NOTCH3: variants seen among roughly 807,000 people sequenced by gnomAD.
NOTCH3 encodes notch receptor 3, also known as neurogenic locus notch homolog protein 3.
In NOTCH3, 86 loss-of-function variants were observed where a neutral mutation model predicts 213.3. That is an observed-to-expected ratio of 0.40 (90% CI 0.34 to 0.48). The LOEUF (loss-of-function observed/expected upper bound fraction) is 0.48, where lower values mean the gene tolerates loss of function less well. Among genes scored for constraint, NOTCH3 ranks in the 20% least tolerant of loss-of-function variants. The pLI, the probability that NOTCH3 is intolerant of heterozygous loss-of-function variation, is 0.57. For missense variants in NOTCH3, 2,783 were observed against 3,272.6 expected, an observed-to-expected ratio of 0.85 and a Z score of 3.65; for synonymous variants, 1,354 against 1,355.9, an observed-to-expected ratio of 1.00 and a Z score of 0.03.
chr19:15,178,287 C>A (rs546974362), intron 23 of NOTCH3, 197 bp from the exon 24 acceptor site: 30 of 538,296 alleles, frequency 5.6e-5, no homozygotes, highest in African/African-American at 5.2e-4. Context: ...ACACTGGAGA[C>A]CCCACCTGGC....
intron 31 of NOTCH3, among the ~76,000 whole-genome samples, chr19:15,164,249 T>TA (rs1599363093): frequency 2.1e-5 from 3 of 142,152 alleles, no homozygotes; most frequent in Admixed American, 6.9e-5. Context: ...TTTTTGTTTT[T>TA]AAAAAAAAGG....
rs890365920 is a variant in NOTCH3, at chr19:15,161,199, T to C, written c.6429A>G (p.Pro2143=). The part of the protein sequence containing the change: ...TAVSLAQLGG[P]GRAGLGRQPP... ...GCTGGCGCCCTAGACCCGCCCGGCC[T>C]GGGCCACCAAGCTGTGCCAGAGACA... Residue 2143 remains proline, a synonymous_variant, in exon 33 of 33, where the codon CCA becomes CCG. Coordinates refer to ENST00000263388, the MANE Select transcript of NOTCH3 (RefSeq NM_000435.3). The C allele has an allele frequency of 2.3e-5, 35 of 1,542,222 alleles. No homozygotes were observed. The highest frequency in any genetic ancestry group is 1.6e-4 in the Admixed American group (8 of 51,076).
In NOTCH3 at chr19:15,180,546, C is replaced by T. The variant is rs2046830653; in HGVS notation, c.3142+135G>A. 3.7e-6 allele frequency: 4 copies of T among 1,081,776 alleles called. No individual in the cohort carries two copies. In the East Asian group the frequency reaches 1.0e-4, roughly 28 times the overall value. The allele number at this position is 1,081,776 out of a possible 1,614,324, so 67.0% of individuals were successfully genotyped here. On this transcript the variant is annotated intron_variant, in intron 19 of 32. Coordinates refer to ENST00000263388, the MANE Select transcript of NOTCH3 (RefSeq NM_000435.3). The stretch of plus-strand genomic sequence containing the variant: ...CGGCCAGTTGTCACATGCTCACACA[C>T]CCACACCACTCAGCCACACACCCCA...
chr19:15,186,839 C>T, intron 12 of NOTCH3, 39 bp downstream of exon 12: 4 of 1,523,838 alleles, frequency 2.6e-6, no homozygotes, highest in Non-Finnish European at 3.6e-6. Context: ...ACTTCACCCT[C>T]GATCTAAGGA....
rs1162467192 is a variant in NOTCH3 at position 15,173,104 on chromosome 19, CTT to C, written c.4736+962_4736+963del. 2.6e-4 allele frequency among the ~76,000 whole-genome samples: 5 copies of C among 19,252 alleles called. No individual in the cohort carries two copies. In the African/African-American group the frequency reaches 2.7e-3, roughly 10 times the overall value. The allele number at this position is 19,252 out of a possible 152,430, so 12.6% of individuals were successfully genotyped here. A position where few individuals can be genotyped will look rare whatever the true frequency, so the allele number is the denominator to read the frequency against. On this transcript the variant is annotated intron_variant, in intron 25 of 32. Coordinates refer to ENST00000263388, the MANE Select transcript of NOTCH3 (RefSeq NM_000435.3). Reference sequence around the variant, plus strand: ...TCTTCTTCTTCTTCTTCTTCTTCTTCTTTTTTTTTTTTTTTTTTTTTTTTAAG... The same window carrying C: ...TCTTCTTCTTCTTCTTCTTCTTCTTCTTTTTTTTTTTTTTTTTTTTTTAAG...
At chr19:15,194,801 C>T (rs888470553) in intron 2 of NOTCH3, among the ~76,000 whole-genome samples, 1 of 151,796 alleles carries the variant, frequency 6.6e-6, no homozygotes, top group Non-Finnish European at 1.5e-5. Context: ...ACTAAAAACA[C>T]AAAAAATCAG....
intron 25 of NOTCH3, among the ~76,000 whole-genome samples, chr19:15,172,130 A>G (rs2046739939): frequency 6.6e-6 from 1 of 152,112 alleles, no homozygotes; most frequent in African/African-American, 2.4e-5. Flanking sequence ...TCCCGACCTC[A>G]GGTGATCCAC....
rs759342168 is a variant in NOTCH3, at chr19:15,161,718, G to T, written c.5914-4C>A. On this transcript the variant is annotated splice_region_variant and splice_polypyrimidine_tract_variant and intron_variant, in intron 32 of 32. Transcript: ENST00000263388. Reference sequence around the variant, plus strand: ...CCAGGAATAGGGGGGTCTCCTCCTGGGGGGCCAGAACCCACAGAGGTCAGC... The same window carrying T: ...CCAGGAATAGGGGGGTCTCCTCCTGTGGGGCCAGAACCCACAGAGGTCAGC... 24 of 1,612,852 alleles carry T rather than the reference G, an allele frequency of 1.5e-5. No homozygotes were observed. In the South Asian group the frequency reaches 2.3e-4, roughly 16 times the overall value.
intron 24 of NOTCH3, among the ~76,000 whole-genome samples, chr19:15,174,739 A>G (rs1214236086): frequency 6.7e-6 from 1 of 149,880 alleles, no homozygotes; most frequent in Non-Finnish European, 1.5e-5. Context: ...ACGCCCGTCT[A>G]ATTTTTGTAT....
rs771519821 is a variant in NOTCH3 at position 15,185,384 on chromosome 19, G to C, written c.2169C>G (p.Gly723=). ...PGGFRCVCEP[G]WSGPRCSQSL... ...TCTGGCTGCAGCGGGGGCCACTCCA[G>C]CCAGGCTCACACACACAGCGGAACC... is the stretch of plus-strand genomic sequence containing the variant. Residue 723 remains glycine, a synonymous_variant, in exon 14 of 33, where the codon GGC becomes GGG. Transcript: ENST00000263388. This position sits in a 1 kb window ranked among gnomAD's most constrained non-coding sequence, Gnocchi z 4.2. 3.3e-5 allele frequency: 54 copies of C among 1,612,244 alleles called. No homozygotes were observed. Among genetic ancestry groups the C allele is most frequent in the Non-Finnish European group, 4.3e-5 (51 of 1,179,678 alleles).
chr19:15,188,941 TC>T, intron 8 of NOTCH3, 47 bp downstream of exon 8: 2 of 1,566,926 alleles, frequency 1.3e-6, no homozygotes, highest in Non-Finnish European at 8.7e-7. Flanking sequence ...GGCTTCTCTG[TC>T]CCCGCCCCCT....
At position 15,159,730 on chromosome 19, in the gene NOTCH3, C is replaced by T. The variant is rs561317374; in HGVS notation, c.*932G>A. The T allele has an allele frequency of 1.3e-5, 3 of 233,066 alleles. 1 individual carries two copies. The South Asian group carries it at 5.4e-4, about 42-fold the overall frequency. 14.4% of individuals were successfully genotyped at this position (233,066 alleles called of 1,614,324 possible). On this transcript the variant is annotated 3_prime_UTR_variant, in exon 33 of 33. Transcript: ENST00000263388. ...GCTACACAGGGATTTTGACCAGAAG[C>T]CATATTACAAAAATAGCCTAAAAAT...
rs1222289076 is a variant in NOTCH3, at chr19:15,183,044, A to G, written c.2567-1243T>C. On this transcript the variant is annotated intron_variant, in intron 16 of 32. Transcript: ENST00000263388. ...GGCAGGAGGATGGCTTGAGGCCAGG[A>G]GTTTGAGACCAGCCTAGACAACGCA... is the stretch of plus-strand genomic sequence containing the variant. 2.6e-5 allele frequency among the ~76,000 whole-genome samples: 4 copies of G among 152,090 alleles called. No individual in the cohort carries two copies. In the East Asian group the frequency reaches 7.8e-4, roughly 30 times the overall value.
chr19:15,180,553 C>T, intron 19 of NOTCH3, 128 bp downstream of exon 19: 1 of 1,133,380 alleles, frequency 8.8e-7, no homozygotes, highest in African/African-American at 1.5e-5. Context: ...ACACCCACAC[C>T]ACTCAGCCAC....
In NOTCH3 at chr19:15,165,772, G is replaced by A; in HGVS notation, c.5667+15C>T. ...CTGCCCCAGCTCTGAGGTCCAAAGTGTGTGCCTATCTCACCTGGAAGACAC... is the reference window on the plus strand; with the variant it reads ...CTGCCCCAGCTCTGAGGTCCAAAGTATGTGCCTATCTCACCTGGAAGACAC... On this transcript the variant is annotated intron_variant, in intron 30 of 32. Coordinates refer to ENST00000263388, the MANE Select transcript of NOTCH3 (RefSeq NM_000435.3). The surrounding 1 kb of genome is among the most constrained non-coding windows in gnomAD (Gnocchi z 4.7). 6.2e-7 allele frequency: 1 copy of A among 1,609,288 alleles called. No homozygotes were observed. The highest frequency in any genetic ancestry group is 1.1e-5 in the South Asian group (1 of 91,050).
chr19:15,178,974 A>G (rs745309519), intron 22 of NOTCH3, 33 bp from the exon 23 acceptor site: 18 of 1,613,994 alleles, frequency 1.1e-5, no homozygotes, highest in Middle Eastern at 1.6e-4. Context: ...ATCAGCCACA[A>G]TGGGGGAATG....
chr19:15,192,654 C>T, intron 2 of NOTCH3, 135 bp from the exon 3 acceptor site: 4 of 1,290,250 alleles, frequency 3.1e-6, no homozygotes, highest in East Asian at 2.5e-5. Context: ...GTGGCTCACG[C>T]CTGTAATCCC....
At position 15,181,565 on chromosome 19, in the gene NOTCH3, G is replaced by A; in HGVS notation, c.2792+11C>T. On this transcript the variant is annotated intron_variant, in intron 17 of 32. Transcript: ENST00000263388. ...CAGAGTCCCTGCTCTCCAAGCAGAG[G>A]CCCCGCCCACCTGGGGCTGCAGTCG... is the stretch of plus-strand genomic sequence containing the variant. The A allele has an allele frequency of 1.3e-6, 2 of 1,548,270 alleles. No individual in the cohort carries two copies. The highest frequency in any genetic ancestry group is 1.7e-6 in the Non-Finnish European group (2 of 1,145,060).
Position 15,179,476 on chromosome 19 carries a change from A to G in NOTCH3, c.3348T>C (p.Gly1116=), listed in dbSNP as rs1261823490. Residue 1116 remains glycine, a synonymous_variant, in exon 21 of 33, where the codon GGT becomes GGC. Coordinates refer to ENST00000263388, the MANE Select transcript of NOTCH3 (RefSeq NM_000435.3). ...CGTCCACGTCGTCCTCACAGTTATC[A>G]CCATTGTAGCCAGGAAGACACTTCA... ...YMCECLPGYN[G]DNCEDDVDEC... is the part of the protein sequence containing the mutation. 1.2e-6 allele frequency: 2 copies of G among 1,614,022 alleles called. No homozygotes were observed.
Sources: gnomAD v4.1 joint callset for allele counts (sites outside exome capture counted in the v4.1 genomes callset) on GRCh38, gnomAD v4.1.1 for gene constraint, Gnocchi (gnomAD v3.1) non-coding constraint, MANE v1.5 for transcripts, NCBI Gene and HGNC (gene_info 2026-07-23, HGNC 2026-07-21) for gene names.